NEGR1: variants seen among roughly 807,000 people sequenced by gnomAD.
NEGR1 encodes IgLON family member 4.
A neutral mutation model predicts 40.9 loss-of-function variants in NEGR1; 10 were observed. The observed-to-expected ratio is 0.24, with a 90% CI of 0.15 to 0.42. The LOEUF (loss-of-function observed/expected upper bound fraction) is 0.42, where lower values mean the gene tolerates loss of function less well. NEGR1 is among the 10% of genes least tolerant of loss of function. NEGR1 has a pLI of 1.00. For synonymous variants in NEGR1, 185 were observed against 166.8 expected, an observed-to-expected ratio of 1.11 and a Z score of -0.84; for missense variants, 352 against 438.9, an observed-to-expected ratio of 0.80 and a Z score of 1.77.
chr1:71,839,318 C>T (rs892353343), intron 2 of NEGR1, among the ~76,000 whole-genome samples: 1 of 150,852 alleles, frequency 6.6e-6, no homozygotes, highest in Non-Finnish European at 1.5e-5. Context: ...ATTCTCCTGC[C>T]TCAGCCTCCC....
intron 4 of NEGR1, among the ~76,000 whole-genome samples, chr1:71,668,146 C>A (rs1352367520): frequency 6.6e-6 from 1 of 152,012 alleles, no homozygotes; most frequent in Non-Finnish European, 1.5e-5. Context: ...ATAGGAATAT[C>A]TTTTTTGTGT....
chr1:71,704,813 C>A (rs1001417882), intron 3 of NEGR1, among the ~76,000 whole-genome samples: 7 of 151,404 alleles, frequency 4.6e-5, no homozygotes, highest in African/African-American at 1.7e-4. Flanking sequence ...CAAAAAATAT[C>A]AAAAGAAAAA....
chr1:72,006,071 G>A (rs1009465862), intron 1 of NEGR1, among the ~76,000 whole-genome samples: 1 of 152,064 alleles, frequency 6.6e-6, no homozygotes, highest in Non-Finnish European at 1.5e-5. Flanking sequence ...ATTTAATCAT[G>A]GCATTTATTT....
At chr1:71,664,972 T>C (rs1312105533) in intron 4 of NEGR1, among the ~76,000 whole-genome samples, 1 of 152,082 alleles carries the variant, frequency 6.6e-6, no homozygotes, top group Non-Finnish European at 1.5e-5. Flanking sequence ...TATCCAAATG[T>C]GGAAATGACT....
chr1:72,193,025 G>T (rs1652873700), intron 1 of NEGR1, among the ~76,000 whole-genome samples: 1 of 151,704 alleles, frequency 6.6e-6, no homozygotes, highest in African/African-American at 2.4e-5. Flanking sequence ...ACAAAGGAGA[G>T]AAATACTAGT....
chr1:71,405,353 G>T lies in NEGR1; in HGVS notation c.*2093C>A, dbSNP rs1646271792. On this transcript the variant is annotated 3_prime_UTR_variant, in exon 7 of 7. Coordinates refer to ENST00000357731, the MANE Select transcript of NEGR1 (RefSeq NM_173808.3). ...GTACTGATGGTTAACATTTTTTGTG[G>T]TAGCACCACTATTTCTAGTAAGTAG... The T allele has an allele frequency of 6.6e-6, 1 of 152,120 alleles. No individual in the cohort carries two copies. The highest frequency in any genetic ancestry group is 2.4e-5 in the African/African-American group (1 of 41,366). The allele number at this position is 152,120 out of a possible 1,614,324, so 9.4% of individuals were successfully genotyped here. A position where few individuals can be genotyped will look rare whatever the true frequency, so the allele number is the denominator to read the frequency against.
intron 1 of NEGR1, among the ~76,000 whole-genome samples, chr1:71,963,971 T>C (rs1331373897): frequency 6.6e-6 from 1 of 152,194 alleles, no homozygotes; most frequent in South Asian, 2.1e-4. Context: ...GACTCTATTC[T>C]ACATATAGTT....
chr1:71,858,997 G>T (rs1466075991), intron 2 of NEGR1, among the ~76,000 whole-genome samples: 1 of 151,930 alleles, frequency 6.6e-6, no homozygotes, highest in East Asian at 1.9e-4. Context: ...TTTTGGCTTT[G>T]TTCCCCATTG....
intron 4 of NEGR1, among the ~76,000 whole-genome samples, chr1:71,677,282 A>C (rs970981558): frequency 4.6e-5 from 7 of 152,118 alleles, no homozygotes; most frequent in Admixed American, 2.0e-4. Flanking sequence ...GATAGGATAA[A>C]ATCGTAATTT....
chr1:72,059,424 T>C (rs1275977743), intron 1 of NEGR1, among the ~76,000 whole-genome samples: 1 of 151,648 alleles, frequency 6.6e-6, no homozygotes, highest in Non-Finnish European at 1.5e-5. Context: ...TCCTTTGCCT[T>C]GACGTGTCAA....
chr1:71,872,018 C>G (rs377582362), intron 2 of NEGR1, among the ~76,000 whole-genome samples: 178 of 152,178 alleles, frequency 1.2e-3, no homozygotes, highest in African/African-American at 4.1e-3. Context: ...GCTGTGCAAT[C>G]TATAAAATTT....
chr1:71,981,456 C>G (rs1646353766), intron 1 of NEGR1, among the ~76,000 whole-genome samples: 2 of 152,100 alleles, frequency 1.3e-5, no homozygotes, highest in African/African-American at 4.8e-5. Flanking sequence ...GGAACTTGAA[C>G]ATCATGAACA....
chr1:71,810,587 C>T lies in NEGR1; in HGVS notation c.410-34290G>A, dbSNP rs563560422. On this transcript the variant is annotated intron_variant, in intron 2 of 6. Transcript: ENST00000357731. Reference sequence around the variant, plus strand: ...TTGATATGGTTTGGATTCCTATCTCCGCTCAAACCTCATGTCGAATTATAA... The same window carrying T: ...TTGATATGGTTTGGATTCCTATCTCTGCTCAAACCTCATGTCGAATTATAA... Among the ~76,000 whole-genome samples the T allele has an allele frequency of 6.6e-5, 10 of 152,192 alleles. No homozygotes were observed. In the South Asian group the frequency reaches 1.4e-3, roughly 22 times the overall value.
At chr1:71,522,658 G>C (rs12049473) in intron 6 of NEGR1, among the ~76,000 whole-genome samples, 2 of 151,288 alleles carry the variant, frequency 1.3e-5, no homozygotes, top group Non-Finnish European at 3.0e-5. Context: ...TGTGGGCCTA[G>C]TCAGCTTGCC....
chr1:72,034,063 G>A (rs2100444093), intron 1 of NEGR1, among the ~76,000 whole-genome samples: 1 of 152,324 alleles, frequency 6.6e-6, no homozygotes, highest in East Asian at 1.9e-4. Context: ...AGGTGAAACA[G>A]GATCTGACTG....
chr1:72,246,729 T>C (rs1045206365), intron 1 of NEGR1, among the ~76,000 whole-genome samples: 13 of 152,168 alleles, frequency 8.5e-5, no homozygotes, highest in Admixed American at 2.6e-4. Flanking sequence ...CTCCACTAGG[T>C]AGTGGCCCAC....
At chr1:71,568,829 CGTGTGTGTGTGTGTGTGT>C (rs35692576) in intron 6 of NEGR1, among the ~76,000 whole-genome samples, 1 of 147,532 alleles carries the variant, frequency 6.8e-6, no homozygotes, top group Non-Finnish European at 1.5e-5. Context: ...TATATGTATA[CGTGTGTGTGTGTGTGTGT>C]GTGTGTGTGT....
chr1:72,076,716 G>A (rs1259195281), intron 1 of NEGR1, among the ~76,000 whole-genome samples: 3 of 144,756 alleles, frequency 2.1e-5, no homozygotes, highest in Non-Finnish European at 2.9e-5. Flanking sequence ...ACACACATGC[G>A]TGCACACGCG....
At chr1:72,264,039 T>A (rs1655555924) in intron 1 of NEGR1, among the ~76,000 whole-genome samples, 1 of 151,376 alleles carries the variant, frequency 6.6e-6, no homozygotes. Flanking sequence ...TCACTAACTA[T>A]GACAGGCATA....
Sources: gnomAD v4.1 joint callset for allele counts (sites outside exome capture counted in the v4.1 genomes callset) on GRCh38, gnomAD v4.1.1 for gene constraint, MANE v1.5 for transcripts, NCBI Gene and HGNC (gene_info 2026-07-23, HGNC 2026-07-21) for gene names.